The following ROR1 variants were observed in gnomAD, a reference collection of about 807,000 sequenced individuals.
ROR1 encodes inactive tyrosine-protein kinase transmembrane receptor ROR1.
A neutral mutation model predicts 78.8 loss-of-function variants in ROR1; 19 were observed. The observed-to-expected ratio is 0.24, with a 90% CI of 0.17 to 0.35. ROR1 has a LOEUF of 0.35. Ranked by LOEUF, ROR1 falls within the 10% of genes least tolerant of loss-of-function variation. ROR1 has a pLI of 1.00. For synonymous variants in ROR1, 386 were observed against 433.6 expected (o/e 0.89, Z 1.36); for missense variants, 917 against 1,177.8 (o/e 0.78, Z 3.24).
chr1:64,022,726 A>G (rs1646574738), intron 2 of ROR1, among the ~76,000 whole-genome samples: 1 of 152,168 alleles, frequency 6.6e-6, no homozygotes, highest in Admixed American at 6.5e-5. Flanking sequence ...TAAAATGTAA[A>G]TTGACTTGAA....
intron 1 of ROR1, among the ~76,000 whole-genome samples, chr1:63,814,285 T>C (rs750516611): frequency 6.6e-6 from 1 of 152,204 alleles, no homozygotes; most frequent in Non-Finnish European, 1.5e-5. Context: ...GCTTCCACAG[T>C]TCTTGCACAT....
chr1:64,150,612 G>A (rs190668051), intron 7 of ROR1, among the ~76,000 whole-genome samples: 5 of 152,334 alleles, frequency 3.3e-5, no homozygotes, highest in Admixed American at 1.3e-4. Flanking sequence ...AAAATTGAAC[G>A]TTACAGTGAA....
At chr1:64,064,985 C>T (rs1039899877) in intron 4 of ROR1, among the ~76,000 whole-genome samples, 1 of 152,072 alleles carries the variant, frequency 6.6e-6, no homozygotes, top group African/African-American at 2.4e-5. Flanking sequence ...AATCATCATA[C>T]CCTTGCCCTT....
chr1:64,014,103 G>C (rs1328202484), intron 2 of ROR1, among the ~76,000 whole-genome samples: 1 of 152,240 alleles, frequency 6.6e-6, no homozygotes, highest in African/African-American at 2.4e-5. Context: ...GACCATGTCT[G>C]TTGTGACAAC....
rs919111254 is a variant in ROR1, at chr1:64,180,883, A to C, written c.*2028A>C. 2 of 152,194 alleles carry C rather than the reference A, an allele frequency of 1.3e-5. No individual in the cohort carries two copies. The highest frequency in any genetic ancestry group is 4.8e-5 in the African/African-American group (2 of 41,464). 9.4% of individuals were successfully genotyped at this position (152,194 alleles called of 1,614,324 possible). ...ATTATTATGGTTAAAAAGTAAATTCAAGTTAGTTTTTTATAAAGAACTATA... is the reference window on the plus strand; with the variant it reads ...ATTATTATGGTTAAAAAGTAAATTCCAGTTAGTTTTTTATAAAGAACTATA... On this transcript the variant is annotated 3_prime_UTR_variant, in exon 9 of 9. Coordinates refer to ENST00000371079, the MANE Select transcript of ROR1 (RefSeq NM_005012.4).
chr1:64,178,410 T>C lies in ROR1; in HGVS notation c.2369T>C (p.Met790Thr). Residue 790 changes from methionine (M) to threonine (T), a missense_variant, in exon 9 of 9, where the codon ATG becomes ACG. This residue lies in a region of ROR1 where 835 missense variants were observed against 1,069.8 expected (regional missense o/e 0.78). Transcript: ENST00000371079. The surrounding 1 kb of genome is among the most constrained non-coding windows in gnomAD (Gnocchi z 4.3). Reference protein sequence around the residue: ...NLSNPRYPNYMFPSQGITPQG... With the variant: ...NLSNPRYPNYTFPSQGITPQG... Reference sequence around the variant, plus strand: ...AGTAACCCCAGATATCCTAATTACATGTTCCCGAGCCAGGGTATTACACCA... The same window carrying C: ...AGTAACCCCAGATATCCTAATTACACGTTCCCGAGCCAGGGTATTACACCA... The C allele has an allele frequency of 6.2e-7, 1 of 1,614,186 alleles. No homozygotes were observed. The highest frequency in any genetic ancestry group is 1.1e-5 in the South Asian group (1 of 91,084).
At chr1:63,886,911 T>A (rs1370938375) in intron 1 of ROR1, among the ~76,000 whole-genome samples, 1 of 152,140 alleles carries the variant, frequency 6.6e-6, no homozygotes, top group Admixed American at 6.5e-5. Flanking sequence ...ACTTTTGAAT[T>A]ATTGCAGTTA....
intron 1 of ROR1, among the ~76,000 whole-genome samples, chr1:63,823,329 A>G (rs1644934293): frequency 6.6e-6 from 1 of 151,830 alleles, no homozygotes; most frequent in African/African-American, 2.4e-5. Flanking sequence ...CCATCCATCC[A>G]TCGATTTATA....
Position 64,166,736 on chromosome 1 carries a change from G to A in ROR1, c.1386+7544G>A, listed in dbSNP as rs559317308. Among the ~76,000 whole-genome samples, 13 of 152,246 alleles carry A rather than the reference G, an allele frequency of 8.5e-5. No homozygotes were observed. In the East Asian group the frequency reaches 9.7e-4, roughly 11 times the overall value. On this transcript the variant is annotated intron_variant, in intron 8 of 8. Transcript: ENST00000371079. The stretch of plus-strand genomic sequence containing the variant: ...AGAGGTAGCTCTTTGGACAGCTCTC[G>A]TATTCCTTGTGTCCATCCTGTTAGC...
chr1:64,107,092 A>C (rs771612380), intron 4 of ROR1: 1 of 152,328 alleles, frequency 6.6e-6, no homozygotes, highest in African/African-American at 2.4e-5. Context: ...AAATGATCAT[A>C]GAGTAATAAT....
chr1:63,844,952 A>T (rs1199757876), intron 1 of ROR1, among the ~76,000 whole-genome samples: 1 of 152,110 alleles, frequency 6.6e-6, no homozygotes, highest in Admixed American at 6.5e-5. Flanking sequence ...GCAGAAAGTG[A>T]CTTTATCCTG....
chr1:63,879,635 T>C (rs1433074463), intron 1 of ROR1, among the ~76,000 whole-genome samples: 2 of 152,142 alleles, frequency 1.3e-5, no homozygotes, highest in East Asian at 3.9e-4. Context: ...TACCAATAAA[T>C]AAAGACCCTG....
intron 4 of ROR1, among the ~76,000 whole-genome samples, chr1:64,079,470 A>ATTTTTTTT (rs71056020): frequency 6.8e-6 from 1 of 146,280 alleles, no homozygotes; most frequent in Non-Finnish European, 1.5e-5. Flanking sequence ...CTTGATTGGG[A>ATTTTTTTT]TTTTTTTTTT....
chr1:64,023,608 A>G lies in ROR1; in HGVS notation c.163+14232A>G, dbSNP rs558932990. ...TTTATTTATTGTAGAAAATCTAGAA[A>G]GTAAAATGAAGCCAAAATTATGTTA... is the stretch of plus-strand genomic sequence containing the variant. On this transcript the variant is annotated intron_variant, in intron 2 of 8. Coordinates refer to ENST00000371079, the MANE Select transcript of ROR1 (RefSeq NM_005012.4). 1.7e-4 allele frequency among the ~76,000 whole-genome samples: 26 copies of G among 152,352 alleles called. No homozygotes were observed. In the South Asian group the frequency reaches 4.8e-3, roughly 28 times the overall value.
intron 4 of ROR1, among the ~76,000 whole-genome samples, chr1:64,060,000 T>G (rs896517661): frequency 9.3e-4 from 3 of 3,228 alleles, no homozygotes; most frequent in Non-Finnish European, 1.7e-3. Flanking sequence ...CAAGCGTTAG[T>G]TTTTTTTTTC....
At chr1:63,913,899 G>C (rs544548243) in intron 1 of ROR1, among the ~76,000 whole-genome samples, 3 of 152,098 alleles carry the variant, frequency 2.0e-5, no homozygotes, top group African/African-American at 7.2e-5. Context: ...GTCCTCACAC[G>C]GTGGCTCTGT....
At chr1:63,951,850 A>G (rs1472473989) in intron 1 of ROR1, among the ~76,000 whole-genome samples, 1 of 152,188 alleles carries the variant, frequency 6.6e-6, no homozygotes. Context: ...AGCTTGGTGT[A>G]GTCTAAGAGC....
intron 1 of ROR1, among the ~76,000 whole-genome samples, chr1:64,006,732 C>T (rs938739915): frequency 6.6e-6 from 1 of 152,296 alleles, no homozygotes; most frequent in Non-Finnish European, 1.5e-5. Flanking sequence ...ACCAGGGCCA[C>T]TGTAGGTGGG....
intron 2 of ROR1, among the ~76,000 whole-genome samples, chr1:64,035,670 T>A (rs1472900220): frequency 1.3e-5 from 2 of 152,134 alleles, no homozygotes; most frequent in African/African-American, 2.4e-5. Context: ...AGTGTTGATC[T>A]TCTACTGTGT....
Sources: gnomAD v4.1 joint callset for allele counts (sites outside exome capture counted in the v4.1 genomes callset) on GRCh38, gnomAD v4.1.1 for gene constraint, gnomAD v4.1.1 regional missense constraint, Gnocchi (gnomAD v3.1) non-coding constraint, MANE v1.5 for transcripts, NCBI Gene and HGNC (gene_info 2026-07-23, HGNC 2026-07-21) for gene names.